ZNF454: variants seen among roughly 807,000 people sequenced by gnomAD.
The protein encoded by ZNF454 is zinc finger protein 454.
A neutral mutation model predicts 48.2 loss-of-function variants in ZNF454; 30 were observed. The observed-to-expected ratio is 0.62, with a 90% CI of 0.47 to 0.84. The LOEUF is 0.84. Among genes scored for constraint, ZNF454 ranks in the 40% least tolerant of loss-of-function variants. ZNF454 has a pLI of 0.00. For missense variants in ZNF454, 510 were observed against 623.1 expected (o/e 0.82, Z 1.93); for synonymous variants, 204 against 211.4 (o/e 0.97, Z 0.30).
At chr5:178,969,624 C>A (rs1049730064), downstream of ZNF454, 1 of 456,730 alleles carries the variant, frequency 2.2e-6, no homozygotes, top group African/African-American at 2.0e-5. Flanking sequence ...CAAGACTGCT[C>A]TGGTACACCA....
the ZNF454 span, among the ~76,000 whole-genome samples, chr5:178,987,905 A>G: frequency 0.95 from 135,294 of 143,124 alleles, 64,489 homozygotes; most frequent in South Asian, 1. Flanking sequence ...GATTATAGGC[A>G]CCCGTCGCCA....
At chr5:178,982,698 AAAAAAAG>A in the ZNF454 span, 2 of 394,926 alleles carry the variant, frequency 5.1e-6, no homozygotes, top group Admixed American at 4.6e-5. Flanking sequence ...ATGATAAAAA[AAAAAAAG>A]AAAAAAAGAA....
chr5:178,964,732 A>T lies in ZNF454; in HGVS notation c.328A>T (p.Ile110Leu). The T allele has an allele frequency of 1.2e-6, 2 of 1,614,236 alleles. No individual in the cohort carries two copies. ...IPEEELDQWT[I>L]KERFSSSSHW... ...TGAAGAAGAATTGGATCAATGGACA[A>T]TAAAGGAAAGATTCAGTAGCAGTAG... The change falls in exon 5 of 5, where the codon ATA becomes TTA. Residue 110 changes from isoleucine to leucine, a missense_variant. This residue lies in a region of ZNF454 where 354 missense variants were observed against 408.9 expected (regional missense o/e 0.87). Coordinates refer to ENST00000519564, the MANE Select transcript of ZNF454 (RefSeq NM_001178089.3).
At chr5:178,984,017 C>T in the ZNF454 span, among the ~76,000 whole-genome samples, 2 of 152,220 alleles carry the variant, frequency 1.3e-5, no homozygotes, top group African/African-American at 2.4e-5. Flanking sequence ...GGATGCTTTG[C>T]AGTCATCTGC....
chr5:178,959,906 C>CT (rs1166408306), intron 4 of ZNF454, among the ~76,000 whole-genome samples: 1 of 150,664 alleles, frequency 6.6e-6, no homozygotes, highest in African/African-American at 2.4e-5. Context: ...TGCCCGGCCC[C>CT]TTTTTTTCTT....
At chr5:178,980,309 G>A in the ZNF454 span, 10 of 154,322 alleles carry the variant, frequency 6.5e-5, no homozygotes, top group Admixed American at 6.5e-4. This position sits in a 1 kb window ranked among gnomAD's most constrained non-coding sequence, Gnocchi z 4.3. Flanking sequence ...CTTAAACCAA[G>A]CTTTTTGTAA....
intron 4 of ZNF454, among the ~76,000 whole-genome samples, chr5:178,960,261 CTT>C (rs546306673): frequency 3.9e-5 from 5 of 129,292 alleles, no homozygotes; most frequent in Non-Finnish European, 5.1e-5. Flanking sequence ...CATTCCTTTT[CTT>C]TTTTTTTTTT....
At chr5:178,951,708 A>C (rs865874543) in intron 4 of ZNF454, among the ~76,000 whole-genome samples, 3 of 152,106 alleles carry the variant, frequency 2.0e-5, no homozygotes, top group African/African-American at 7.2e-5. Flanking sequence ...ACTTTTTACT[A>C]TTATGGATAA....
downstream of ZNF454, among the ~76,000 whole-genome samples, chr5:178,967,301 T>A (rs754871523): frequency 1.6e-4 from 24 of 152,312 alleles, 2 homozygotes; most frequent in Admixed American, 6.5e-4. Context: ...GCAATTGATA[T>A]AAGAGGTGAA....
At chr5:178,964,365 C>A (rs905690604) in intron 4 of ZNF454, among the ~76,000 whole-genome samples, 4 of 152,136 alleles carry the variant, frequency 2.6e-5, no homozygotes, top group African/African-American at 4.8e-5. Context: ...CGTGATCCAC[C>A]CGCCTTGGCC....
chr5:178,946,424 C>T lies in ZNF454; in HGVS notation c.99C>T (p.Pro33=), dbSNP rs139308434. The T allele has an allele frequency of 9.5e-5, 154 of 1,613,136 alleles. No individual in the cohort carries two copies. In the African/African-American group the frequency reaches 1.6e-3, roughly 17 times the overall value. Reference sequence around the variant, plus strand: ...AGGAAGAGTGGGGGCAGCTGAGCCCCGCCCAGAGGGCCCTGTACAGGGACG... The same window carrying T: ...AGGAAGAGTGGGGGCAGCTGAGCCCTGCCCAGAGGGCCCTGTACAGGGACG... ...FTQEEWGQLS[P]AQRALYRDVM... The change falls in exon 3 of 5, where the codon CCC becomes CCT. Residue 33 remains proline (P), a synonymous_variant. Coordinates refer to ENST00000519564, the MANE Select transcript of ZNF454 (RefSeq NM_001178089.3). This position sits in a 1 kb window ranked among gnomAD's most constrained non-coding sequence, Gnocchi z 4.5.
At chr5:178,987,905 ACCC>A in the ZNF454 span, among the ~76,000 whole-genome samples, 1 of 143,378 alleles carries the variant, frequency 7.0e-6, no homozygotes, top group South Asian at 2.5e-4. Context: ...GATTATAGGC[ACCC>A]GTCGCCATGC....
rs916692577 is a variant in ZNF454 at position 178,962,358 on chromosome 5, T to G, written c.251-2297T>G. 2.0e-5 allele frequency among the ~76,000 whole-genome samples: 3 copies of G among 151,864 alleles called. No individual in the cohort carries two copies. In the South Asian group the frequency reaches 6.2e-4, roughly 32 times the overall value. On this transcript the variant is annotated intron_variant, in intron 4 of 4. Transcript: ENST00000519564. ...TGCCTAGGTGAATTTTCTTTGTAGT[T>G]ATCCTTGGAGTTTATAGCCCTTCTC...
chr5:178,964,900 GA>G lies in ZNF454; in HGVS notation c.497del (p.Asp166ValfsTer90). The G allele has an allele frequency of 6.2e-7, 1 of 1,614,196 alleles. No homozygotes were observed. Among genetic ancestry groups the G allele is most frequent in the Non-Finnish European group, 8.5e-7 (1 of 1,180,048 alleles). On this transcript the variant is annotated frameshift_variant, in exon 5 of 5. Transcript: ENST00000519564. LOFTEE classifies it high-confidence loss of function. ...GSTMSSSLHS[D>X]QSQGFQPSKN... Reference sequence around the variant, plus strand: ...CACTATGAGCTCATCTCTTCACAGTGATCAAAGTCAGGGATTTCAACCTAGC... The same window carrying G: ...CACTATGAGCTCATCTCTTCACAGTGTCAAAGTCAGGGATTTCAACCTAGC...
chr5:178,989,194 C>T, the ZNF454 span: 1 of 1,556,734 alleles, frequency 6.4e-7, no homozygotes, highest in South Asian at 1.2e-5. Context: ...ACCCGGCCTC[C>T]CGCCTTCCCC....
chr5:178,974,312 G>GGTTGTT, the ZNF454 span, among the ~76,000 whole-genome samples: 38 of 147,844 alleles, frequency 2.6e-4, no homozygotes, highest in Middle Eastern at 3.4e-3. Flanking sequence ...TTGTGGTTGT[G>GGTTGTT]GTTGTTGTTG....
Position 178,946,231 on chromosome 5 carries a change from A to C in ZNF454, c.34-128A>C, listed in dbSNP as rs1759325432. The C allele has an allele frequency of 7.8e-7, 1 of 1,285,814 alleles. No individual in the cohort carries two copies. Among genetic ancestry groups the C allele is most frequent in the African/African-American group, 1.5e-5 (1 of 65,904 alleles). 79.7% of individuals were successfully genotyped at this position (1,285,814 alleles called of 1,614,324 possible). The stretch of plus-strand genomic sequence containing the variant: ...CTGAAGAGTGATGAACTTGTCACAG[A>C]ACGCCAGCTCCCTGTGTGCCAGCAG... On this transcript the variant is annotated intron_variant, in intron 2 of 4. Coordinates refer to ENST00000519564, the MANE Select transcript of ZNF454 (RefSeq NM_001178089.3). The surrounding 1 kb of genome is among the most constrained non-coding windows in gnomAD (Gnocchi z 4.5).
the ZNF454 span, among the ~76,000 whole-genome samples, chr5:178,972,069 G>A: frequency 1.3e-5 from 2 of 151,984 alleles, no homozygotes; most frequent in Non-Finnish European, 2.9e-5. Flanking sequence ...TAGTAGTTGG[G>A]ATTACAGGCA....
intron 4 of ZNF454, among the ~76,000 whole-genome samples, chr5:178,955,181 T>C (rs1249395203): frequency 2.0e-5 from 3 of 152,200 alleles, no homozygotes; most frequent in South Asian, 2.1e-4. Context: ...CCCACAGCCA[T>C]GTATATGGGA....
Sources: allele counts gnomAD v4.1 joint callset (sites outside exome capture counted in the v4.1 genomes callset), GRCh38; gene constraint gnomAD v4.1.1; regional missense constraint gnomAD v4.1.1; non-coding constraint Gnocchi (gnomAD v3.1); transcripts MANE v1.5; gene names NCBI Gene and HGNC (gene_info 2026-07-23, HGNC 2026-07-21).